The following XKR9 variants were observed in gnomAD, a reference collection of about 807,000 sequenced individuals.
XKR9 encodes the protein XK-related protein 9.
In XKR9, 32 loss-of-function variants were observed where a neutral mutation model predicts 32.0. The ratio of observed to expected loss-of-function variants is 1.00; its 90% CI spans 0.76 to 1.34. XKR9 has a LOEUF of 1.34. Among genes scored for constraint, XKR9 ranks in the 40% most tolerant of loss-of-function variants. The pLI is 0.00. For synonymous variants in XKR9, 168 were observed against 143.4 expected (o/e 1.17, Z -1.22); for missense variants, 546 against 429.7 (o/e 1.27, Z -2.39).
chr8:70,690,043 T>A (rs899011714), intron 3 of XKR9, among the ~76,000 whole-genome samples: 1 of 152,168 alleles, frequency 6.6e-6, no homozygotes, highest in Non-Finnish European at 1.5e-5. Context: ...AGGTTGGGCA[T>A]TAGTGGAAGA....
intron 2 of XKR9, among the ~76,000 whole-genome samples, chr8:70,748,227 A>G (rs1323262934): frequency 1.3e-5 from 2 of 150,818 alleles, no homozygotes; most frequent in Non-Finnish European, 3.0e-5. Flanking sequence ...AGCAGGTGGG[A>G]GCCCTGCCCC....
At chr8:70,939,193 A>G in the XKR9 span, among the ~76,000 whole-genome samples, 1 of 152,094 alleles carries the variant, frequency 6.6e-6, no homozygotes, top group African/African-American at 2.4e-5. Flanking sequence ...CACTTCCTGT[A>G]AGCATCTTGT....
At chr8:70,902,220 T>C in the XKR9 span, among the ~76,000 whole-genome samples, 1 of 152,232 alleles carries the variant, frequency 6.6e-6, no homozygotes, top group Admixed American at 6.5e-5. Flanking sequence ...GGGGATGGCA[T>C]TGAATCTATA....
At chr8:70,741,792 A>T (rs770352285) in intron 2 of XKR9, among the ~76,000 whole-genome samples, 3 of 152,188 alleles carry the variant, frequency 2.0e-5, no homozygotes, top group East Asian at 1.9e-4. Context: ...TTACTTGATC[A>T]CGTGGTAATT....
At chr8:70,815,651 G>A in the XKR9 span, among the ~76,000 whole-genome samples, 2 of 151,614 alleles carry the variant, frequency 1.3e-5, no homozygotes, top group East Asian at 1.9e-4. Context: ...TCAGCCTCCC[G>A]AGTAGCTGGG....
chr8:70,846,597 TA>T, the XKR9 span, among the ~76,000 whole-genome samples: 1 of 151,888 alleles, frequency 6.6e-6, no homozygotes, highest in African/African-American at 2.4e-5. Flanking sequence ...CTGAATGAAT[TA>T]AAAAAACCCA....
the XKR9 span, among the ~76,000 whole-genome samples, chr8:70,984,043 A>G: frequency 1.3e-5 from 2 of 152,180 alleles, no homozygotes; most frequent in Admixed American, 6.5e-5. Context: ...ACCTTAAATT[A>G]TATATATGAA....
rs564969253 is a variant in XKR9, at chr8:70,702,401, A to G, written c.273-4532A>G. On this transcript the variant is annotated intron_variant, in intron 3 of 4. Transcript: ENST00000408926. ...CATTTGAAAAGAATTTTTAACTTTC[A>G]GTTATTGAACGTAATGTTCTATAAA... Among the ~76,000 whole-genome samples, 6 of 152,272 alleles carry G rather than the reference A, an allele frequency of 3.9e-5. No individual in the cohort carries two copies. The East Asian group carries it at 1.2e-3, about 29-fold the overall frequency.
At chr8:70,830,696 C>T in the XKR9 span, among the ~76,000 whole-genome samples, 17 of 152,284 alleles carry the variant, frequency 1.1e-4, no homozygotes, top group East Asian at 7.7e-4. Flanking sequence ...CCAGTGTCTA[C>T]GGATATAGCA....
At chr8:70,948,269 A>C in the XKR9 span, among the ~76,000 whole-genome samples, 3 of 152,250 alleles carry the variant, frequency 2.0e-5, no homozygotes, top group Admixed American at 2.0e-4. Context: ...CTAAAAGTAC[A>C]AATTATCTTC....
At chr8:70,760,121 C>T (rs887059355) in intron 2 of XKR9, among the ~76,000 whole-genome samples, 5 of 152,134 alleles carry the variant, frequency 3.3e-5, no homozygotes, top group Admixed American at 2.6e-4. Context: ...ATCAAATTAG[C>T]GTATCTTCAA....
chr8:70,997,192 G>C, the XKR9 span, among the ~76,000 whole-genome samples: 1 of 152,052 alleles, frequency 6.6e-6, no homozygotes, highest in Admixed American at 6.5e-5. Context: ...AGCTACTCAG[G>C]AGGTTGAGAC....
chr8:71,001,865 A>G, the XKR9 span, among the ~76,000 whole-genome samples: 1 of 152,224 alleles, frequency 6.6e-6, no homozygotes, highest in Non-Finnish European at 1.5e-5. Flanking sequence ...ATAAAGTTGA[A>G]AAAACAACTA....
At chr8:70,792,361 A>T (rs959823516), downstream of XKR9, among the ~76,000 whole-genome samples, 14 of 152,110 alleles carry the variant, frequency 9.2e-5, no homozygotes, top group Non-Finnish European at 1.8e-4. Flanking sequence ...CTCAGGCGTG[A>T]GTTGCCTCAA....
chr8:70,873,498 A>G, the XKR9 span, among the ~76,000 whole-genome samples: 20 of 152,276 alleles, frequency 1.3e-4, no homozygotes, highest in East Asian at 1.9e-3. Flanking sequence ...AGTTATTCCA[A>G]CCCTCATGGT....
At chr8:71,001,731 C>T in the XKR9 span, among the ~76,000 whole-genome samples, 3 of 152,144 alleles carry the variant, frequency 2.0e-5, no homozygotes, top group African/African-American at 7.2e-5. Context: ...CATGGTGGAA[C>T]TTAAAGCCTC....
At chr8:71,038,399 C>T in the XKR9 span, among the ~76,000 whole-genome samples, 1 of 148,054 alleles carries the variant, frequency 6.8e-6, no homozygotes, top group Non-Finnish European at 1.5e-5. Flanking sequence ...TGGCTCACTA[C>T]AACCTCTGCC....
At chr8:70,739,796 C>A (rs1349569576), downstream of XKR9, among the ~76,000 whole-genome samples, 2 of 152,122 alleles carry the variant, frequency 1.3e-5, no homozygotes, top group Non-Finnish European at 2.9e-5. Flanking sequence ...AATATTGGCC[C>A]CCACTCTCTT....
chr8:70,978,875 T>A, the XKR9 span, among the ~76,000 whole-genome samples: 1 of 152,332 alleles, frequency 6.6e-6, no homozygotes, highest in African/African-American at 2.4e-5. Flanking sequence ...AGTACACCAA[T>A]CAAGCATAGA....
Sources: gnomAD v4.1 joint callset for allele counts (sites outside exome capture counted in the v4.1 genomes callset) on GRCh38, gnomAD v4.1.1 for gene constraint, MANE v1.5 for transcripts, NCBI Gene and HGNC (gene_info 2026-07-23, HGNC 2026-07-21) for gene names.